Variants in SF3B3 observed in about 807,000 individuals in gnomAD.
SF3B3 encodes the protein splicing factor 3b subunit 3.
SF3B3 carries 33 observed loss-of-function variants against 139.2 expected under a neutral mutation model. That is an observed-to-expected ratio of 0.24 (90% confidence interval 0.18 to 0.32). The LOEUF (loss-of-function observed/expected upper bound fraction) is 0.32, where lower values mean the gene tolerates loss of function less well. Ranked by LOEUF, SF3B3 falls within the 10% of genes least tolerant of loss-of-function variation. SF3B3 has a pLI of 1.00. For missense variants in SF3B3, 818 were observed against 1,509.4 expected (o/e 0.54, Z 7.59); for synonymous variants, 596 against 563.6 (o/e 1.06, Z -0.81).
intron 10 of SF3B3, among the ~76,000 whole-genome samples, chr16:70,546,594 T>C (rs891869460): frequency 3.9e-5 from 6 of 152,026 alleles, no homozygotes; most frequent in Admixed American, 1.3e-4. Context: ...GAGGTTGCAG[T>C]GAGCCGAGAT....
chr16:70,568,664 G>C (rs764245337), intron 22 of SF3B3, among the ~76,000 whole-genome samples, 169 bp downstream of exon 22: 1 of 152,136 alleles, frequency 6.6e-6, no homozygotes, highest in Non-Finnish European at 1.5e-5. Flanking sequence ...CTTCTTACTA[G>C]TCTTTTGGAT....
chr16:70,538,085 A>G, intron 6 of SF3B3: 1 of 677,194 alleles, frequency 1.5e-6, no homozygotes, highest in Non-Finnish European at 2.8e-6. Flanking sequence ...TGCCTTATGA[A>G]TCTGATCAGG....
At chr16:70,548,488 T>G (rs2050290059) in intron 11 of SF3B3, 46 bp downstream of exon 11, 1 of 1,526,296 alleles carries the variant, frequency 6.6e-7, no homozygotes, top group Admixed American at 1.7e-5. Flanking sequence ...CTAGGTGCCA[T>G]TGACATAGAA....
At chr16:70,559,037 G>A (rs1341330335) in intron 15 of SF3B3, among the ~76,000 whole-genome samples, 1 of 152,174 alleles carries the variant, frequency 6.6e-6, no homozygotes, top group African/African-American at 2.4e-5. Flanking sequence ...GTTTACTCCT[G>A]TTGCATCACG....
intron 9 of SF3B3, among the ~76,000 whole-genome samples, chr16:70,543,990 A>T (rs902430250): frequency 2.6e-5 from 4 of 152,078 alleles, no homozygotes; most frequent in Non-Finnish European, 5.9e-5. Flanking sequence ...AGTAGCTGGG[A>T]CTATAGACAC....
chr16:70,558,467 T>G (rs74932855), intron 15 of SF3B3, among the ~76,000 whole-genome samples: 4,856 of 152,218 alleles, frequency 0.032, 294 homozygotes, highest in African/African-American at 0.11. Flanking sequence ...TTCTAACATG[T>G]AGTTAATATA....
intron 9 of SF3B3, among the ~76,000 whole-genome samples, chr16:70,542,133 C>T (rs2050224442): frequency 6.6e-6 from 1 of 152,134 alleles, no homozygotes; most frequent in African/African-American, 2.4e-5. Flanking sequence ...CACCTGTCCG[C>T]TCCATTGAGC....
intron 11 of SF3B3, among the ~76,000 whole-genome samples, chr16:70,551,853 A>C (rs2151787371): frequency 6.6e-6 from 1 of 152,286 alleles, no homozygotes. Flanking sequence ...TTTAATCTGC[A>C]GTCACTCTAG....
chr16:70,565,035 C>T, intron 18 of SF3B3, 30 bp from the exon 19 acceptor site: 1 of 1,609,628 alleles, frequency 6.2e-7, no homozygotes, highest in South Asian at 1.1e-5. Context: ...CTGAGCACGC[C>T]AACTCAGTTA....
At chr16:70,530,639 C>T in intron 3 of SF3B3, 106 bp from the exon 4 acceptor site, 1 of 934,266 alleles carries the variant, frequency 1.1e-6, no homozygotes, top group Non-Finnish European at 1.7e-6. Flanking sequence ...AGAGTTACTG[C>T]TGTTAATAAT....
chr16:70,562,683 A>G (rs919275494), intron 17 of SF3B3, among the ~76,000 whole-genome samples: 2 of 152,134 alleles, frequency 1.3e-5, no homozygotes, highest in African/African-American at 4.8e-5. Flanking sequence ...CTGAATTGCT[A>G]TAGATTTAGA....
intron 6 of SF3B3, among the ~76,000 whole-genome samples, chr16:70,537,277 A>G (rs2050177780): frequency 6.6e-6 from 1 of 152,220 alleles, no homozygotes; most frequent in African/African-American, 2.4e-5. Context: ...GAGACATTAA[A>G]TTGGTCACTT....
rs2050576438 is a variant in SF3B3 at position 70,576,025 on chromosome 16, C to T, written c.*4212C>T. ...TTGAGCCCAGAAGTTTAAGACCAGC[C>T]TAGGAAACAGACCCCATCTCTACAA... On this transcript the variant is annotated 3_prime_UTR_variant, in exon 26 of 26. Coordinates refer to ENST00000302516, the MANE Select transcript of SF3B3 (RefSeq NM_012426.5). The T allele has an allele frequency of 6.6e-6, 1 of 151,916 alleles. No homozygotes were observed. Among genetic ancestry groups the T allele is most frequent in the Non-Finnish European group, 1.5e-5 (1 of 68,014 alleles). 9.4% of individuals were successfully genotyped at this position (151,916 alleles called of 1,614,324 possible).
At chr16:70,553,143 A>G (rs2050343377) in intron 11 of SF3B3, among the ~76,000 whole-genome samples, 2 of 152,308 alleles carry the variant, frequency 1.3e-5, no homozygotes, top group South Asian at 2.1e-4. Context: ...GCTGGTTTCT[A>G]ACTCCTGATC....
intron 23 of SF3B3, among the ~76,000 whole-genome samples, chr16:70,569,729 A>G (rs911223185): frequency 6.6e-6 from 1 of 152,138 alleles, no homozygotes; most frequent in African/African-American, 2.4e-5. Context: ...TCCTGGGCTC[A>G]AGTGATCCTT....
At chr16:70,525,453 G>A (rs1381978659) in intron 1 of SF3B3, among the ~76,000 whole-genome samples, 1 of 152,152 alleles carries the variant, frequency 6.6e-6, no homozygotes, top group Non-Finnish European at 1.5e-5. Flanking sequence ...AATTCCAAAG[G>A]TTTGTAATGG....
In SF3B3 at chr16:70,571,205, T is replaced by G. The variant is rs763372832; in HGVS notation, c.3513+6T>G. The G allele has an allele frequency of 6.3e-7, 1 of 1,585,892 alleles. No individual in the cohort carries two copies. The highest frequency in any genetic ancestry group is 8.7e-7 in the Non-Finnish European group (1 of 1,154,578). On this transcript the variant is annotated splice_donor_region_variant and intron_variant, in intron 25 of 25. Coordinates refer to ENST00000302516, the MANE Select transcript of SF3B3 (RefSeq NM_012426.5). ...CCTACTACTTCCCTGTGAAGGTAGG[T>G]TGGGGGAATCTGAGCTGAAAAGGGA...
At chr16:70,533,678 C>T (rs547236111) in intron 5 of SF3B3, among the ~76,000 whole-genome samples, 1 of 152,340 alleles carries the variant, frequency 6.6e-6, no homozygotes, top group African/African-American at 2.4e-5. Context: ...TGGTCATCTG[C>T]ATTTCAGCAG....
chr16:70,557,155 G>A (rs886218910), intron 15 of SF3B3, 126 bp downstream of exon 15: 2 of 978,698 alleles, frequency 2.0e-6, no homozygotes, highest in South Asian at 3.8e-5. Flanking sequence ...AAAGTGAACA[G>A]TGTCACTCTG....
Sources: allele counts gnomAD v4.1 joint callset (sites outside exome capture counted in the v4.1 genomes callset), GRCh38; gene constraint gnomAD v4.1.1; transcripts MANE v1.5; gene names NCBI Gene and HGNC (gene_info 2026-07-23, HGNC 2026-07-21).